Variants in MSH6 observed in about 807,000 individuals in gnomAD.
MSH6 encodes mutS homolog 6.
A neutral mutation model predicts 119.1 loss-of-function variants in MSH6; 85 were observed. The ratio of observed to expected loss-of-function variants is 0.71; its 90% CI spans 0.60 to 0.85. The LOEUF (loss-of-function observed/expected upper bound fraction) is 0.85. Ranked by LOEUF, MSH6 falls within the 40% of genes least tolerant of loss-of-function variation. The pLI is 0.00. For synonymous variants in MSH6, 830 were observed against 586.9 expected (o/e 1.41, Z -5.99); for missense variants, 2,163 against 1,655.3 (o/e 1.31, Z -5.32).
At chr2:47,791,849 A>G (rs1022226473) in intron 2 of MSH6, among the ~76,000 whole-genome samples, 2 of 147,234 alleles carry the variant, frequency 1.4e-5, no homozygotes, top group Non-Finnish European at 3.0e-5. Context: ...GGCTATATAT[A>G]TATATTTTTT....
rs772978164 is a variant in MSH6, at chr2:47,800,801, G to T, written c.2818G>T (p.Ala940Ser). The T allele has an allele frequency of 6.2e-6, 10 of 1,614,116 alleles. No individual in the cohort carries two copies. In the East Asian group the frequency reaches 2.2e-4, roughly 36 times the overall value. ...AGGCTTTGACTCTGATTATGACCAA[G>T]CTCTTGCTGACATAAGAGAAAATGA... is the stretch of plus-strand genomic sequence containing the variant. ...KAGFDSDYDQ[A>S]LADIRENEQS... The change falls in exon 4 of 10, where the codon GCT (alanine) becomes TCT (serine). Residue 940 changes from alanine (A) to serine (S), a missense_variant. By Grantham distance (99) the Ala-to-Ser change is moderately conservative. Transcript: ENST00000234420.
chr2:47,807,811 A>G, downstream of MSH6: 1 of 290,910 alleles, frequency 3.4e-6, no homozygotes, highest in African/African-American at 2.1e-5. Flanking sequence ...ACTGCATTCA[A>G]TGCTAGTTGT....
intron 1 of MSH6, chr2:47,783,800 A>C: frequency 7.3e-6 from 3 of 408,596 alleles, no homozygotes; most frequent in Non-Finnish European, 9.2e-6. Flanking sequence ...GGGCTAAGGA[A>C]GGGGCGACGC....
chr2:47,789,776 G>A (rs1415461176), intron 1 of MSH6, among the ~76,000 whole-genome samples: 1 of 151,996 alleles, frequency 6.6e-6, no homozygotes, highest in African/African-American at 2.4e-5. Flanking sequence ...CTAATAGAAT[G>A]TAAATGCTTT....
chr2:47,809,735 T>C (rs1043332222), downstream of MSH6: 2 of 1,441,934 alleles, frequency 1.4e-6, no homozygotes, highest in Non-Finnish European at 1.9e-6. Context: ...AACAAGTAGA[T>C]ACATCACTTT....
Position 47,795,875 on chromosome 2 carries a change from T to G in MSH6, c.458-19T>G. The G allele has an allele frequency of 6.2e-7, 1 of 1,612,038 alleles. No individual in the cohort carries two copies. The highest frequency in any genetic ancestry group is 8.5e-7 in the Non-Finnish European group (1 of 1,178,538). ...CTCTGCACCCGGCCCTTATTGTTTA[T>G]AAATACATTTCTTTCTAGGTTCAAA... On this transcript the variant is annotated intron_variant, in intron 2 of 9. Coordinates refer to ENST00000234420, the MANE Select transcript of MSH6 (RefSeq NM_000179.3).
At chr2:47,795,760 C>G (rs540860513) in intron 2 of MSH6, 134 bp from the exon 3 acceptor site, 1 of 785,198 alleles carries the variant, frequency 1.3e-6, no homozygotes, top group South Asian at 1.5e-5. Flanking sequence ...CGTGAGCCAC[C>G]ACACCTGGCA....
At chr2:47,809,393 A>C, downstream of MSH6, 2 of 693,496 alleles carry the variant, frequency 2.9e-6, no homozygotes, top group South Asian at 2.0e-5. Flanking sequence ...TAACCAATGA[A>C]GTAATTGTAA....
At chr2:47,796,740 G>A (rs1669119617) in intron 3 of MSH6, among the ~76,000 whole-genome samples, 1 of 152,166 alleles carries the variant, frequency 6.6e-6, no homozygotes, top group South Asian at 2.1e-4. Flanking sequence ...GCAGTTGGAT[G>A]TCCTGAGGAC....
downstream of MSH6, chr2:47,808,497 ATATTAC>A: frequency 8.9e-7 from 1 of 1,122,798 alleles, no homozygotes. Flanking sequence ...TTCTGTTTAT[ATATTAC>A]TATGACCTTT....
chr2:47,805,404 C>G (rs553708935), intron 6 of MSH6, among the ~76,000 whole-genome samples: 1 of 152,294 alleles, frequency 6.6e-6, no homozygotes, highest in South Asian at 2.1e-4. Flanking sequence ...CTCTTAACTC[C>G]TGACCTCAGG....
intron 1 of MSH6, chr2:47,789,307 A>G (rs1208362350): frequency 7.9e-6 from 3 of 381,802 alleles, no homozygotes; most frequent in Non-Finnish European, 1.6e-5. Flanking sequence ...ATGATGTTGA[A>G]AAACAAAATT....
chr2:47,808,524 G>T, downstream of MSH6: 1 of 1,059,106 alleles, frequency 9.4e-7, no homozygotes, highest in Non-Finnish European at 1.3e-6. Flanking sequence ...GGCTTTAAGA[G>T]GACCAAAACA....
chr2:47,783,438 G>A lies in MSH6; in HGVS notation c.205G>A (p.Ala69Thr), dbSNP rs1382081255. 6.7e-7 allele frequency: 1 copy of A among 1,499,672 alleles called. No homozygotes were observed. The highest frequency in any genetic ancestry group is 8.9e-7 in the Non-Finnish European group (1 of 1,126,900). 92.9% of individuals were successfully genotyped at this position (1,499,672 alleles called of 1,614,324 possible). ...GGCGCGCTCCGCGTCACCGCCCAAG[G>A]CGAAGAACCTCAACGGAGGGCTGCG... is the stretch of plus-strand genomic sequence containing the variant. ...PLARSASPPK[A>T]KNLNGGLRRS... Residue 69 changes from alanine to threonine, a missense_variant, in exon 1 of 10, where the codon GCG becomes ACG. By Grantham distance (58) the Ala-to-Thr change is moderately conservative. Transcript: ENST00000234420.
chr2:47,800,251 A>G lies in MSH6; in HGVS notation c.2268A>G (p.Gly756=), dbSNP rs142246608. 1 of 1,614,212 alleles carries G rather than the reference A, an allele frequency of 6.2e-7. No individual in the cohort carries two copies. The highest frequency in any genetic ancestry group is 1.3e-5 in the African/African-American group (1 of 75,064). ...FLNGTNGSTE[G]TLLERVDTCH... ...ATGGAACAAATGGTTCTACTGAAGG[A>G]ACCCTACTAGAGAGGGTTGATACTT... Residue 756 remains glycine, a synonymous_variant, in exon 4 of 10, where the codon GGA becomes GGG. Coordinates refer to ENST00000234420, the MANE Select transcript of MSH6 (RefSeq NM_000179.3).
chr2:47,809,987 T>C (rs1448164965), downstream of MSH6: 1 of 490,144 alleles, frequency 2.0e-6, no homozygotes, highest in East Asian at 3.4e-5. Flanking sequence ...AACATCTCTT[T>C]TTCTGTTGCA....
intron 2 of MSH6, 64 bp from the exon 3 acceptor site, chr2:47,795,830 C>G (rs1669046301): frequency 6.9e-7 from 1 of 1,453,872 alleles, no homozygotes. Flanking sequence ...TCTTGAACTG[C>G]TGGGATTACA....
intron 2 of MSH6, among the ~76,000 whole-genome samples, chr2:47,792,161 GTAT>G (rs1235702480): frequency 1.3e-5 from 2 of 151,772 alleles, no homozygotes; most frequent in Non-Finnish European, 2.9e-5. Context: ...GCTAATTTTT[GTAT>G]TTTTAGTAGA....
downstream of MSH6, chr2:47,810,079 CAATA>C (rs1191866271): frequency 2.0e-6 from 1 of 500,876 alleles, no homozygotes; most frequent in Non-Finnish European, 3.5e-6. Flanking sequence ...TATTCTATCC[CAATA>C]AATGTTTCAT....
Sources: allele counts gnomAD v4.1 joint callset (sites outside exome capture counted in the v4.1 genomes callset), GRCh38; gene constraint gnomAD v4.1.1; transcripts MANE v1.5; gene names NCBI Gene and HGNC (gene_info 2026-07-23, HGNC 2026-07-21).